Variants in RALGPS1 observed in about 807,000 individuals in gnomAD.
RALGPS1 encodes Ral GEF with PH domain and SH3 binding motif 1, also known as ras-specific guanine nucleotide-releasing factor RalGPS1.
A neutral mutation model predicts 78.8 loss-of-function variants in RALGPS1; 19 were observed. The observed-to-expected ratio is 0.24, with a 90% CI of 0.17 to 0.35. The LOEUF (loss-of-function observed/expected upper bound fraction) is 0.35. Ranked by LOEUF, RALGPS1 falls within the 10% of genes least tolerant of loss-of-function variation. RALGPS1 has a pLI of 1.00. For synonymous variants in RALGPS1, 228 were observed against 256.3 expected (o/e 0.89, Z 1.06); for missense variants, 454 against 688.3 (o/e 0.66, Z 3.81).
intron 8 of RALGPS1, chr9:127,089,287 G>C: frequency 1.3e-6 from 1 of 787,694 alleles, no homozygotes; most frequent in South Asian, 1.7e-5. Context: ...GGTGGTGAGA[G>C]GCCATGCTTC....
intron 1 of RALGPS1, among the ~76,000 whole-genome samples, chr9:126,949,263 CA>C (rs1304221430): frequency 3.3e-5 from 5 of 152,168 alleles, no homozygotes; most frequent in Non-Finnish European, 5.9e-5. Flanking sequence ...AATAGTGCCG[CA>C]ATAAACATAG....
chr9:127,141,616 CAA>C (rs61291398), intron 8 of RALGPS1, among the ~76,000 whole-genome samples: 109 of 68,672 alleles, frequency 1.6e-3, no homozygotes, highest in East Asian at 4.7e-3. Context: ...TTTTTAATGG[CAA>C]AAAAAAAAAA....
intron 4 of RALGPS1, among the ~76,000 whole-genome samples, chr9:126,982,928 CTTTTTTTTTTTTT>C (rs71377984): frequency 8.7e-5 from 3 of 34,594 alleles, no homozygotes; most frequent in African/African-American, 1.5e-4. Flanking sequence ...TCTTCTTCTT[CTTTTTTTTTTTTT>C]TTTTTTTTTT....
At chr9:127,096,551 C>T (rs569208849) in intron 8 of RALGPS1, among the ~76,000 whole-genome samples, 1 of 152,218 alleles carries the variant, frequency 6.6e-6, no homozygotes, top group African/African-American at 2.4e-5. Context: ...TGGCAGTTGG[C>T]CTCGTGGCTC....
chr9:127,017,378 T>C (rs774405380), intron 4 of RALGPS1, among the ~76,000 whole-genome samples: 1 of 152,166 alleles, frequency 6.6e-6, no homozygotes, highest in Non-Finnish European at 1.5e-5. Context: ...ATAGAAAAGG[T>C]ACAATAAAAA....
At chr9:126,919,727 A>T (rs1255926385) in intron 1 of RALGPS1, among the ~76,000 whole-genome samples, 1 of 152,212 alleles carries the variant, frequency 6.6e-6, no homozygotes, top group Non-Finnish European at 1.5e-5. Flanking sequence ...AATAGATTCT[A>T]TTCTTTGTGA....
intron 8 of RALGPS1, among the ~76,000 whole-genome samples, chr9:127,153,592 C>T (rs1429932960): frequency 6.6e-6 from 1 of 152,090 alleles, no homozygotes; most frequent in Non-Finnish European, 1.5e-5. Flanking sequence ...CGGCGCACAT[C>T]ACTGAGTGAG....
chr9:127,142,871 CG>C (rs2057874245), intron 8 of RALGPS1, among the ~76,000 whole-genome samples: 1 of 152,002 alleles, frequency 6.6e-6, no homozygotes, highest in Non-Finnish European at 1.5e-5. Flanking sequence ...TAAATCTGGA[CG>C]GTAAATAACA....
chr9:127,156,190 T>C (rs990684182), intron 8 of RALGPS1, among the ~76,000 whole-genome samples: 1 of 152,246 alleles, frequency 6.6e-6, no homozygotes, highest in Non-Finnish European at 1.5e-5. Context: ...AAATAATTTA[T>C]ATAAACCATG....
chr9:127,142,332 T>C (rs2057836503), intron 8 of RALGPS1, among the ~76,000 whole-genome samples: 1 of 152,212 alleles, frequency 6.6e-6, no homozygotes, highest in Non-Finnish European at 1.5e-5. Context: ...AGTGTGTTCA[T>C]TGGTGAGTGC....
chr9:127,113,656 A>C (rs780972771), intron 8 of RALGPS1, among the ~76,000 whole-genome samples: 11 of 152,220 alleles, frequency 7.2e-5, no homozygotes, highest in Non-Finnish European at 1.3e-4. Flanking sequence ...AACGATTCTT[A>C]AAATTGCTTT....
chr9:127,102,645 AC>A (rs889765481), intron 8 of RALGPS1, among the ~76,000 whole-genome samples: 1 of 152,122 alleles, frequency 6.6e-6, no homozygotes, highest in African/African-American at 2.4e-5. Flanking sequence ...GCTTTCCATC[AC>A]CCTCAAAAGG....
intron 8 of RALGPS1, among the ~76,000 whole-genome samples, chr9:127,075,593 C>G (rs190460256): frequency 1.3e-5 from 2 of 152,336 alleles, no homozygotes; most frequent in African/African-American, 4.8e-5. Context: ...GAAAAAATAT[C>G]TGAAACCATT....
intron 1 of RALGPS1, among the ~76,000 whole-genome samples, chr9:126,948,358 A>G (rs1476950169): frequency 1.3e-5 from 2 of 152,072 alleles, no homozygotes; most frequent in African/African-American, 4.8e-5. Flanking sequence ...TCTACTAAAA[A>G]TACAAAAAAT....
At chr9:126,962,479 C>G in intron 2 of RALGPS1, 133 bp downstream of exon 2, 1 of 877,038 alleles carries the variant, frequency 1.1e-6, no homozygotes, top group Non-Finnish European at 1.8e-6. Flanking sequence ...CCTAAGGCCC[C>G]TGGCCATGCC....
Position 127,197,596 on chromosome 9 carries a change from G to A in RALGPS1, c.1195+965G>A, listed in dbSNP as rs547280615. The stretch of plus-strand genomic sequence containing the variant: ...GTCTCAGAGGGCATGGGCAATATCA[G>A]TCCAGGGGTCGCTGTCTCCCACGCC... On this transcript the variant is annotated intron_variant, in intron 13 of 18. Coordinates refer to ENST00000259351, the MANE Select transcript of RALGPS1 (RefSeq NM_014636.3). 1.6e-4 allele frequency among the ~76,000 whole-genome samples: 25 copies of A among 152,304 alleles called. No homozygotes were observed. The East Asian group carries it at 4.6e-3, about 28-fold the overall frequency.
chr9:127,114,073 T>A (rs954960809), intron 8 of RALGPS1, among the ~76,000 whole-genome samples: 1 of 152,220 alleles, frequency 6.6e-6, no homozygotes, highest in African/African-American at 2.4e-5. Context: ...TCACTATGGC[T>A]CAAGCACTTT....
intron 10 of RALGPS1, among the ~76,000 whole-genome samples, chr9:127,171,017 A>G (rs2059541172): frequency 6.6e-6 from 1 of 152,238 alleles, no homozygotes; most frequent in African/African-American, 2.4e-5. Flanking sequence ...ACCCACAAGG[A>G]TGCAATGGCT....
At chr9:127,101,942 A>T (rs2053773769) in intron 8 of RALGPS1, among the ~76,000 whole-genome samples, 1 of 152,182 alleles carries the variant, frequency 6.6e-6, no homozygotes, top group Non-Finnish European at 1.5e-5. Context: ...TAAATACTCC[A>T]GGCCCTGTAG....
Sources: allele counts gnomAD v4.1 joint callset (sites outside exome capture counted in the v4.1 genomes callset), GRCh38; gene constraint gnomAD v4.1.1; transcripts MANE v1.5; gene names NCBI Gene and HGNC (gene_info 2026-07-23, HGNC 2026-07-21).